Variants in HAUS1 observed in about 807,000 individuals in gnomAD.
HAUS1 encodes the protein HAUS augmin-like complex subunit 1.
A neutral mutation model predicts 38.6 loss-of-function variants in HAUS1; 25 were observed. The ratio of observed to expected loss-of-function variants is 0.65; its 90% CI spans 0.47 to 0.91. The LOEUF is 0.91. HAUS1 is among the 40% of genes least tolerant of loss of function. The pLI is 0.00. For missense variants in HAUS1, 325 were observed against 328.4 expected, an observed-to-expected ratio of 0.99 and a Z score of 0.08; for synonymous variants, 109 against 112.9, an observed-to-expected ratio of 0.97 and a Z score of 0.22.
chr18:46,105,123 C>CT, intron 1 of HAUS1, 71 bp from the exon 2 acceptor site: 1 of 1,169,268 alleles, frequency 8.6e-7, no homozygotes, highest in East Asian at 2.5e-5. Context: ...TTGATCACTT[C>CT]TTTGTCATAT....
intron 2 of HAUS1, among the ~76,000 whole-genome samples, chr18:46,110,876 T>C (rs80043489): frequency 0.013 from 1,835 of 142,304 alleles, 34 homozygotes; most frequent in African/African-American, 0.045. Context: ...TCTTGCTGCT[T>C]TCAAGATTTT....
intron 2 of HAUS1, among the ~76,000 whole-genome samples, chr18:46,106,053 C>T (rs1410667530): frequency 6.6e-6 from 1 of 152,148 alleles, no homozygotes; most frequent in Non-Finnish European, 1.5e-5. Context: ...ATGATTTAGT[C>T]ATACGGACCT....
In HAUS1 at chr18:46,125,724, T is replaced by G. The variant is rs77362529; in HGVS notation, c.739-20T>G. ...GAATTGAGGCAATATAACCTTTCCT[T>G]GTTTTATTTTTTTTTAAAGAATCCG... On this transcript the variant is annotated intron_variant, in intron 7 of 8. Coordinates refer to ENST00000282058, the MANE Select transcript of HAUS1 (RefSeq NM_138443.4). The G allele has an allele frequency of 4.9e-3, 7,578 of 1,560,624 alleles. 191 individuals are homozygous for G. In the Admixed American group the frequency reaches 0.06, roughly 12 times the overall value.
chr18:46,115,996 C>T (rs963479809), intron 2 of HAUS1, among the ~76,000 whole-genome samples: 9 of 151,922 alleles, frequency 5.9e-5, no homozygotes, highest in Admixed American at 1.3e-4. Context: ...ATCCCATCTA[C>T]TTGGGAGGCT....
At chr18:46,105,823 C>T (rs141851644) in intron 2 of HAUS1, among the ~76,000 whole-genome samples, 9 of 152,190 alleles carry the variant, frequency 5.9e-5, no homozygotes, top group East Asian at 1.9e-4. Context: ...TCAGGTGATC[C>T]GCCTGCCTCA....
At chr18:46,109,134 G>T (rs1042779435) in intron 2 of HAUS1, among the ~76,000 whole-genome samples, 13 of 152,042 alleles carry the variant, frequency 8.6e-5, no homozygotes, top group African/African-American at 3.1e-4. Flanking sequence ...AGCTGAGGAG[G>T]CCTCAGGAAA....
At position 46,105,277 on chromosome 18, in the gene HAUS1, T is replaced by A; in HGVS notation, c.114T>A (p.His38Gln). The part of the protein sequence containing the change: ...EVNPRTTEIL[H>Q]HLSERNRVRD... ...ACCCACGGACCACAGAGATTTTACA[T>A]CACCTTTCAGAACGCAACAGGGTCC... Residue 38 changes from histidine (H) to glutamine (Q), a missense_variant, in exon 2 of 9, where the codon CAT (histidine) becomes CAA (glutamine). Coordinates refer to ENST00000282058, the MANE Select transcript of HAUS1 (RefSeq NM_138443.4). The A allele has an allele frequency of 6.2e-7, 1 of 1,613,768 alleles. No individual in the cohort carries two copies. Among genetic ancestry groups the A allele is most frequent in the Non-Finnish European group, 8.5e-7 (1 of 1,179,822 alleles).
chr18:46,118,399 A>G, intron 3 of HAUS1, 83 bp downstream of exon 3: 2 of 1,365,390 alleles, frequency 1.5e-6, no homozygotes, highest in Non-Finnish European at 2.0e-6. Context: ...ATAATTCTAT[A>G]TGAAAAATTG....
chr18:46,123,345 C>G lies in HAUS1; in HGVS notation c.647C>G (p.Ser216Cys). Residue 216 changes from serine (S) to cysteine (C), a missense_variant, in exon 6 of 9, where the codon TCC (serine) becomes TGC (cysteine). By Grantham distance (112) the Ser-to-Cys change is moderately radical. Coordinates refer to ENST00000282058, the MANE Select transcript of HAUS1 (RefSeq NM_138443.4). ...ATGGATGCTTCTCTGTCTCATCAGT[C>G]CTTAGTAGCACTATCAGAGGTGAGC... ...RGMDASLSHQ[S>C]LVALSEKLAR... is the part of the protein sequence containing the mutation. The G allele has an allele frequency of 6.2e-7, 1 of 1,610,790 alleles. No homozygotes were observed. The highest frequency in any genetic ancestry group is 8.5e-7 in the Non-Finnish European group (1 of 1,177,700).
At position 46,109,070 on chromosome 18, in the gene HAUS1, CAAA is replaced by C. The variant is rs58584750; in HGVS notation, c.205+3718_205+3720del. Among the ~76,000 whole-genome samples the C allele has an allele frequency of 3.9e-4, 32 of 83,064 alleles. 1 individual carries two copies. The highest frequency in any genetic ancestry group is 8.7e-4 in the East Asian group (3 of 3,466). The allele number at this position is 83,064 out of a possible 152,430, so 54.5% of individuals were successfully genotyped here. A position where few individuals can be genotyped will look rare whatever the true frequency, so the allele number is the denominator to read the frequency against. ...TGGGAGACAGAGCAAGACTCCGTCT[CAAA>C]AAAAAAAAAAAAAAAGAGAAAAGAA... On this transcript the variant is annotated intron_variant, in intron 2 of 8. Transcript: ENST00000282058.
chr18:46,105,458 C>T (rs747849175), intron 2 of HAUS1, 90 bp downstream of exon 2: 181 of 1,112,168 alleles, frequency 1.6e-4, no homozygotes, highest in Admixed American at 8.3e-5. Flanking sequence ...TTACTGTAGA[C>T]TACTTGTTTT....
chr18:46,121,000 G>A (rs1599816174), intron 4 of HAUS1, among the ~76,000 whole-genome samples: 1 of 152,128 alleles, frequency 6.6e-6, no homozygotes, highest in East Asian at 1.9e-4. Flanking sequence ...CTATAGCTAG[G>A]GTATCCCTCT....
intron 8 of HAUS1, 54 bp downstream of exon 8, chr18:46,125,845 A>AT: frequency 9.0e-7 from 1 of 1,115,362 alleles, no homozygotes; most frequent in Admixed American, 1.9e-5. Context: ...ATAAATGCTA[A>AT]TATAGCTAAA....
At chr18:46,126,715 C>T (rs1912116752) in intron 8 of HAUS1, 1 of 152,006 alleles carries the variant, frequency 6.6e-6, no homozygotes, top group South Asian at 2.1e-4. Flanking sequence ...ACCTCCGCCT[C>T]CCAGGTTCAA....
At chr18:46,123,205 G>A (rs867366571) in intron 5 of HAUS1, 94 bp from the exon 6 acceptor site, 11 of 833,884 alleles carry the variant, frequency 1.3e-5, no homozygotes, top group East Asian at 2.5e-5. Context: ...AGCAAGACTC[G>A]GTCTCAAAAA....
chr18:46,106,225 C>A (rs900806926), intron 2 of HAUS1, among the ~76,000 whole-genome samples: 8 of 152,120 alleles, frequency 5.3e-5, no homozygotes, highest in African/African-American at 1.9e-4. Context: ...AATCCCAGCA[C>A]TTTGGGAGGC....
intron 6 of HAUS1, among the ~76,000 whole-genome samples, chr18:46,124,142 G>T (rs1336248489): frequency 6.6e-6 from 1 of 152,128 alleles, no homozygotes; most frequent in Non-Finnish European, 1.5e-5. Flanking sequence ...AGGCATGGTG[G>T]CTCACACCTG....
Position 46,119,962 on chromosome 18 carries a change from CT to C in HAUS1, c.381del (p.Arg128ValfsTer20). ...PAVNDLTSDL[F>X]RTKSKSEEIK... Reference sequence around the variant, plus strand: ...CAGTGAATGATTTGACCTCTGATCTCTTTCGTACCAAATCCAAAAGTGAAGA... The same window carrying C: ...CAGTGAATGATTTGACCTCTGATCTCTTCGTACCAAATCCAAAAGTGAAGA... On this transcript the variant is annotated frameshift_variant, in exon 4 of 9. Coordinates refer to ENST00000282058, the MANE Select transcript of HAUS1 (RefSeq NM_138443.4). LOFTEE classifies it high-confidence loss of function. 1.2e-6 allele frequency: 2 copies of C among 1,609,474 alleles called. No individual in the cohort carries two copies. Among genetic ancestry groups the C allele is most frequent in the South Asian group, 1.1e-5 (1 of 89,632 alleles).
At position 46,123,280 on chromosome 18, in the gene HAUS1, CT is replaced by C. The variant is rs1254134220; in HGVS notation, c.601-12del. The C allele has an allele frequency of 1.9e-5, 30 of 1,569,128 alleles. No individual in the cohort carries two copies. Among genetic ancestry groups the C allele is most frequent in the Admixed American group, 3.6e-5 (2 of 56,092 alleles). ...TTCAAATAATTTTTTAACTGAACTCCTTTTTTTGGTAATTGTAGGAGCAACT... is the reference window on the plus strand; with the variant it reads ...TTCAAATAATTTTTTAACTGAACTCCTTTTTTGGTAATTGTAGGAGCAACT... On this transcript the variant is annotated intron_variant, in intron 5 of 8. Transcript: ENST00000282058.
Sources: gnomAD v4.1 joint callset for allele counts (sites outside exome capture counted in the v4.1 genomes callset) on GRCh38, gnomAD v4.1.1 for gene constraint, MANE v1.5 for transcripts, NCBI Gene and HGNC (gene_info 2026-07-23, HGNC 2026-07-21) for gene names.